The following CPVL variants were observed in gnomAD, a reference collection of about 807,000 sequenced individuals.
The protein encoded by CPVL is carboxypeptidase vitellogenic like, also known as probable serine carboxypeptidase CPVL.
A neutral mutation model predicts 63.7 loss-of-function variants in CPVL; 51 were observed. The observed-to-expected ratio is 0.80, with a 90% confidence interval of 0.64 to 1.01. The LOEUF (loss-of-function observed/expected upper bound fraction) is 1.01. CPVL is among the 50% of genes least tolerant of loss of function. The pLI is 0.00. For missense variants in CPVL, 530 were observed against 573.1 expected (o/e 0.92, Z 0.77); for synonymous variants, 195 against 206.0 (o/e 0.95, Z 0.46).
At chr7:29,159,615 T>C (rs1260473527) in intron 5 of CPVL, among the ~76,000 whole-genome samples, 1 of 152,154 alleles carries the variant, frequency 6.6e-6, no homozygotes, top group East Asian at 1.9e-4. Flanking sequence ...TGCCTCCTCC[T>C]TCCCCGCTTC....
chr7:29,093,377 C>CA (rs371165878), intron 5 of CPVL, among the ~76,000 whole-genome samples: 21,867 of 69,714 alleles, frequency 0.31, 2,949 homozygotes, highest in East Asian at 0.56. Flanking sequence ...ACTCCGTCTC[C>CA]AAAAAAAAAA....
chr7:29,190,458 A>G (rs931269057), intron 1 of CPVL, among the ~76,000 whole-genome samples: 6 of 152,232 alleles, frequency 3.9e-5, no homozygotes, highest in Admixed American at 2.0e-4. Flanking sequence ...CTGCTATGAC[A>G]GCCACGTTCA....
intron 7 of CPVL, among the ~76,000 whole-genome samples, chr7:29,080,950 T>C (rs317724): frequency 0.97 from 147,994 of 152,312 alleles, 71,960 homozygotes; most frequent in South Asian, 0.99. Flanking sequence ...GAAGAGATGT[T>C]CTGTTTTAAC....
chr7:28,995,979 C>T, intron 12 of CPVL, 97 bp from the exon 13 acceptor site: 2 of 692,310 alleles, frequency 2.9e-6, no homozygotes, highest in Non-Finnish European at 4.7e-6. Context: ...TTAAAACTCA[C>T]ATGAAATACA....
chr7:29,006,644 C>G (rs1004841769), intron 12 of CPVL, among the ~76,000 whole-genome samples: 2 of 152,200 alleles, frequency 1.3e-5, no homozygotes, highest in Non-Finnish European at 2.9e-5. Flanking sequence ...CTGGATTCAA[C>G]TATGTTCTCG....
intron 9 of CPVL, 48 bp downstream of exon 9, chr7:29,071,725 C>CCCAAA: frequency 6.9e-7 from 1 of 1,444,884 alleles, no homozygotes; most frequent in South Asian, 1.3e-5. Context: ...CCTCCCTCCC[C>CCCAAA]AGATGGTTTT....
chr7:29,145,430 T>C (rs1792421738), intron 1 of CPVL, among the ~76,000 whole-genome samples: 1 of 152,004 alleles, frequency 6.6e-6, no homozygotes, highest in Non-Finnish European at 1.5e-5. Flanking sequence ...TTGCACAGAA[T>C]TGTCCAGCTC....
intron 1 of CPVL, chr7:29,194,099 G>A (rs1009997550): frequency 9.2e-5 from 14 of 152,462 alleles, no homozygotes; most frequent in Admixed American, 8.5e-4. Flanking sequence ...CGTGGCCCTA[G>A]TGATCCCGCC....
At chr7:29,120,783 T>C in intron 2 of CPVL, 110 bp downstream of exon 2, 1 of 1,083,124 alleles carries the variant, frequency 9.2e-7, no homozygotes, top group Admixed American at 2.5e-5. Flanking sequence ...ATCGCGCCAC[T>C]GACCTCCAGC....
chr7:28,996,559 A>C (rs6971895), intron 12 of CPVL, among the ~76,000 whole-genome samples: 3,717 of 152,018 alleles, frequency 0.024, 141 homozygotes, highest in African/African-American at 0.082. Flanking sequence ...CAAAAAAAAA[A>C]AAAACAAAAC....
In CPVL at chr7:29,105,527, C is replaced by T. The variant is rs142049612; in HGVS notation, c.288+7177G>A. Among the ~76,000 whole-genome samples, 1,018 of 152,280 alleles carry T rather than the reference C, an allele frequency of 6.7e-3. 11 individuals carry two copies. Among genetic ancestry groups the T allele is most frequent in the African/African-American group, 0.023 (948 of 41,554 alleles). ...TTCCTCCCGAGGCTTTTCTATTACT[C>T]GTTCCTTAGGCCAGACCACATGTCC... is the stretch of plus-strand genomic sequence containing the variant. On this transcript the variant is annotated intron_variant, in intron 3 of 12. Coordinates refer to ENST00000265394, the MANE Select transcript of CPVL (RefSeq NM_031311.5).
Position 29,064,101 on chromosome 7 carries a change from G to T in CPVL, c.1097C>A (p.Ser366Ter). ...EKYLREDTVQ[S>*]VKPWLTEIMN... is the part of the protein sequence containing the mutation. ...GATTTCAGTTAACCATGGCTTAACT[G>T]ACTGTACTGTATCTTCTCGCAAGTA... is the stretch of plus-strand genomic sequence containing the variant. The change falls in exon 11 of 13, where the codon TCA (serine) becomes TAA (stop). Residue 366 changes from serine (S) to a stop codon, truncating the protein, a stop_gained. Coordinates refer to ENST00000265394, the MANE Select transcript of CPVL (RefSeq NM_031311.5). LOFTEE classifies it high-confidence loss of function. 1.9e-6 allele frequency: 3 copies of T among 1,612,854 alleles called. No individual in the cohort carries two copies. The highest frequency in any genetic ancestry group is 2.2e-5 in the South Asian group (2 of 90,982).
chr7:29,084,751 T>C (rs1246945367), intron 7 of CPVL, among the ~76,000 whole-genome samples: 2 of 152,208 alleles, frequency 1.3e-5, no homozygotes, highest in South Asian at 2.1e-4. Flanking sequence ...CCTTAAAAAA[T>C]AGAATTCTTT....
chr7:29,137,304 T>A (rs998855046), intron 1 of CPVL, among the ~76,000 whole-genome samples: 1 of 151,962 alleles, frequency 6.6e-6, no homozygotes, highest in Non-Finnish European at 1.5e-5. Flanking sequence ...CTCCGTGGAG[T>A]GCACCAGATT....
At chr7:29,065,906 C>G in intron 10 of CPVL, 117 bp downstream of exon 10, 1 of 592,128 alleles carries the variant, frequency 1.7e-6, no homozygotes, top group Non-Finnish European at 3.0e-6. Context: ...TCACGCGGTA[C>G]AGTTTGGACA....
chr7:29,170,904 G>A (rs963569747), intron 5 of CPVL, among the ~76,000 whole-genome samples: 17 of 152,098 alleles, frequency 1.1e-4, no homozygotes, highest in African/African-American at 2.9e-4. Flanking sequence ...ATCAGATCTC[G>A]TGAGACTTAC....
chr7:29,038,642 TCA>T (rs1788773384), intron 11 of CPVL, among the ~76,000 whole-genome samples: 1 of 152,190 alleles, frequency 6.6e-6, no homozygotes, highest in South Asian at 2.1e-4. Flanking sequence ...CCTGGTATCC[TCA>T]CACACACAGG....
chr7:29,102,960 T>C (rs143486065), intron 3 of CPVL, among the ~76,000 whole-genome samples: 31 of 152,270 alleles, frequency 2.0e-4, no homozygotes, highest in African/African-American at 6.5e-4. Context: ...GTGAAACTCA[T>C]TGAAACAAAA....
chr7:29,093,656 C>T (rs1239758025), intron 5 of CPVL, among the ~76,000 whole-genome samples: 1 of 152,166 alleles, frequency 6.6e-6, no homozygotes, highest in Non-Finnish European at 1.5e-5. Context: ...AAAGAAGAAG[C>T]TACTATTTTT....
Sources: gnomAD v4.1 joint callset for allele counts (sites outside exome capture counted in the v4.1 genomes callset) on GRCh38, gnomAD v4.1.1 for gene constraint, MANE v1.5 for transcripts, NCBI Gene and HGNC (gene_info 2026-07-23, HGNC 2026-07-21) for gene names.